The following FOXO1 variants were observed in gnomAD, a reference collection of about 807,000 sequenced individuals.
The protein encoded by FOXO1 is forkhead box O1.
Under a neutral mutation model 44.1 loss-of-function variants are expected in FOXO1, and 6 were observed. The observed-to-expected ratio is 0.14, with a 90% CI of 0.07 to 0.27. The LOEUF (loss-of-function observed/expected upper bound fraction) is 0.27. Among genes scored for constraint, FOXO1 ranks in the 10% least tolerant of loss-of-function variants. The pLI, the probability that FOXO1 is intolerant of heterozygous loss-of-function variation, is 1.00. For missense variants in FOXO1, 737 were observed against 888.8 expected (o/e 0.83, Z 2.17); for synonymous variants, 380 against 362.7 (o/e 1.05, Z -0.54).
At chr13:40,603,353 CAA>C (rs60741629) in intron 1 of FOXO1, among the ~76,000 whole-genome samples, 1,461 of 73,928 alleles carry the variant, frequency 0.02, 20 homozygotes, top group East Asian at 0.062. Flanking sequence ...CAGATGAATC[CAA>C]AAAAAAAAAA....
chr13:40,580,615 A>G (rs1184715656), intron 1 of FOXO1, among the ~76,000 whole-genome samples: 4 of 152,210 alleles, frequency 2.6e-5, no homozygotes, highest in Non-Finnish European at 5.9e-5. Context: ...TTATGGGCAC[A>G]AAATCTCAAG....
chr13:40,558,863 T>C lies in FOXO1; in HGVS notation c.*186A>G, dbSNP rs1266383901. On this transcript the variant is annotated 3_prime_UTR_variant, in exon 3 of 3. Coordinates refer to ENST00000379561, the MANE Select transcript of FOXO1 (RefSeq NM_002015.4). ...ACCTGCACACATTGGGCAAACATCC[T>C]GTACAGGAAAAATGTCTTTGCTGCC... is the stretch of plus-strand genomic sequence containing the variant. 1.0e-5 allele frequency: 4 copies of C among 398,482 alleles called. No individual in the cohort carries two copies. The highest frequency in any genetic ancestry group is 1.8e-5 in the Non-Finnish European group (4 of 225,998). 24.7% of individuals were successfully genotyped at this position (398,482 alleles called of 1,614,324 possible). A position where few individuals can be genotyped will look rare whatever the true frequency, so the allele number is the denominator to read the frequency against.
At chr13:40,620,109 C>T in intron 1 of FOXO1, 1 of 1,143,786 alleles carries the variant, frequency 8.7e-7, no homozygotes, top group Non-Finnish European at 1.3e-6. Flanking sequence ...ATAGAGAACA[C>T]AGAGGTACTG....
intron 1 of FOXO1, among the ~76,000 whole-genome samples, chr13:40,650,495 A>G (rs1347668968): frequency 6.6e-6 from 1 of 152,114 alleles, no homozygotes; most frequent in Non-Finnish European, 1.5e-5. Flanking sequence ...TTGAATCTCA[A>G]TTAAGCTGAA....
chr13:40,611,675 G>A (rs1239153645), intron 1 of FOXO1, among the ~76,000 whole-genome samples: 1 of 152,166 alleles, frequency 6.6e-6, no homozygotes, highest in Non-Finnish European at 1.5e-5. Context: ...ACACACGGAA[G>A]CTGTGTTTGG....
chr13:40,653,849 T>C (rs1452800445), intron 1 of FOXO1, among the ~76,000 whole-genome samples: 1 of 152,144 alleles, frequency 6.6e-6, no homozygotes, highest in African/African-American at 2.4e-5. Context: ...AAACCACGGT[T>C]TTAAACAGAA....
rs368960594 is a variant in FOXO1, at chr13:40,597,921, G to A, written c.631-37061C>T. Among the ~76,000 whole-genome samples, 23 of 152,308 alleles carry A rather than the reference G, an allele frequency of 1.5e-4. No homozygotes were observed. In the East Asian group the frequency reaches 2.5e-3, roughly 17 times the overall value. Reference sequence around the variant, plus strand: ...GAATGTGCCCAGGAGCCGGCAGGCAGAGCCACATTCTTCCTGTTAACCTGT... The same window carrying A: ...GAATGTGCCCAGGAGCCGGCAGGCAAAGCCACATTCTTCCTGTTAACCTGT... On this transcript the variant is annotated intron_variant, in intron 1 of 2. Coordinates refer to ENST00000379561, the MANE Select transcript of FOXO1 (RefSeq NM_002015.4).
intron 1 of FOXO1, among the ~76,000 whole-genome samples, chr13:40,623,407 T>C (rs1226439649): frequency 6.6e-6 from 1 of 152,176 alleles, no homozygotes; most frequent in African/African-American, 2.4e-5. Context: ...ATCGGTAAAC[T>C]TGCCAACAAC....
At chr13:40,662,468 G>A (rs988665396) in intron 1 of FOXO1, among the ~76,000 whole-genome samples, 1 of 152,074 alleles carries the variant, frequency 6.6e-6, no homozygotes, top group Non-Finnish European at 1.5e-5. Flanking sequence ...AGAAGATCCC[G>A]GGTTTTCCAA....
chr13:40,632,588 A>T (rs1750233456), intron 1 of FOXO1, among the ~76,000 whole-genome samples: 1 of 151,782 alleles, frequency 6.6e-6, no homozygotes, highest in South Asian at 2.1e-4. Flanking sequence ...CAGTGAGCTG[A>T]GATAGTGCCA....
chr13:40,640,912 T>G (rs896283635), intron 1 of FOXO1, among the ~76,000 whole-genome samples: 1 of 152,098 alleles, frequency 6.6e-6, no homozygotes, highest in Non-Finnish European at 1.5e-5. Flanking sequence ...GCCTCCCAAG[T>G]AGCTGCGATT....
intron 1 of FOXO1, among the ~76,000 whole-genome samples, chr13:40,653,657 T>C (rs977694347): frequency 3.3e-5 from 5 of 152,166 alleles, no homozygotes; most frequent in Non-Finnish European, 5.9e-5. Context: ...ATCATGCGCA[T>C]TGGCTTTTTT....
At chr13:40,640,574 G>A (rs1212431627) in intron 1 of FOXO1, among the ~76,000 whole-genome samples, 4 of 152,170 alleles carry the variant, frequency 2.6e-5, no homozygotes, top group Non-Finnish European at 5.9e-5. Flanking sequence ...AGTTTCCTGT[G>A]CATGCAATAG....
At position 40,584,469 on chromosome 13, in the gene FOXO1, C is replaced by CAAAAAAAA. The variant is rs55733141; in HGVS notation, c.631-23617_631-23610dup. On this transcript the variant is annotated intron_variant, in intron 1 of 2. Coordinates refer to ENST00000379561, the MANE Select transcript of FOXO1 (RefSeq NM_002015.4). Reference sequence around the variant, plus strand: ...AGAAATTCTATCTCCACAAAAAATGCAAAAAAAAAAAAAAAAAAAAAAAAA... The same window carrying CAAAAAAAA: ...AGAAATTCTATCTCCACAAAAAATGCAAAAAAAAAAAAAAAAAAAAAAAAAAAAAAAAA... Among the ~76,000 whole-genome samples, 34 of 63,114 alleles carry CAAAAAAAA rather than the reference C, an allele frequency of 5.4e-4. 4 individuals carry two copies. Among genetic ancestry groups the CAAAAAAAA allele is most frequent in the Admixed American group, 9.1e-4 (4 of 4,390 alleles). The allele number at this position is 63,114 out of a possible 152,430, so 41.4% of individuals were successfully genotyped here. A position where few individuals can be genotyped will look rare whatever the true frequency, so the allele number is the denominator to read the frequency against.
intron 1 of FOXO1, among the ~76,000 whole-genome samples, chr13:40,653,249 G>A (rs375760557): frequency 2.0e-5 from 3 of 152,106 alleles, no homozygotes; most frequent in East Asian, 3.9e-4. Flanking sequence ...TTACAGGCAC[G>A]AGCCACCACG....
chr13:40,575,734 T>A (rs1218188581), intron 1 of FOXO1, among the ~76,000 whole-genome samples: 1 of 152,154 alleles, frequency 6.6e-6, no homozygotes, highest in Non-Finnish European at 1.5e-5. Context: ...AAGTAGGCAT[T>A]AAGGCTCAAG....
chr13:40,604,572 C>T (rs768581157), intron 1 of FOXO1, among the ~76,000 whole-genome samples: 2 of 152,150 alleles, frequency 1.3e-5, no homozygotes, highest in Non-Finnish European at 2.9e-5. Flanking sequence ...CAGGCAGACA[C>T]ATACACATAA....
chr13:40,651,111 G>T (rs9315778), intron 1 of FOXO1, among the ~76,000 whole-genome samples: 86,418 of 147,886 alleles, frequency 0.58, 27,529 homozygotes, highest in African/African-American at 0.86. Flanking sequence ...TTTTGTTTTT[G>T]TTTTTTTTTA....
chr13:40,635,214 G>GA (rs1877107162), intron 1 of FOXO1, among the ~76,000 whole-genome samples: 1 of 151,906 alleles, frequency 6.6e-6, no homozygotes, highest in Non-Finnish European at 1.5e-5. Context: ...AAAAATTTTT[G>GA]AAAAATACTG....
Sources: allele counts gnomAD v4.1 joint callset (sites outside exome capture counted in the v4.1 genomes callset), GRCh38; gene constraint gnomAD v4.1.1; transcripts MANE v1.5; gene names NCBI Gene and HGNC (gene_info 2026-07-23, HGNC 2026-07-21).